Variants in CACNA1G observed in about 807,000 individuals in gnomAD.
CACNA1G encodes voltage-dependent T-type calcium channel subunit alpha-1G.
CACNA1G carries 67 observed loss-of-function variants against 219.4 expected under a neutral mutation model. The observed-to-expected ratio is 0.31, with a 90% CI of 0.25 to 0.37. The LOEUF (loss-of-function observed/expected upper bound fraction) is 0.37, where lower values mean the gene tolerates loss of function less well. Ranked by LOEUF, CACNA1G falls within the 10% of genes least tolerant of loss-of-function variation. The probability of loss-of-function intolerance (pLI) is 1.00; values close to 1 mark genes in which losing one functional copy is unlikely to be tolerated. For missense variants in CACNA1G, 2,380 were observed against 3,231.4 expected (o/e 0.74, Z 6.39); for synonymous variants, 1,296 against 1,345.3 (o/e 0.96, Z 0.80).
chr17:50,617,384 CT>C lies in CACNA1G; in HGVS notation c.5022-53del, dbSNP rs140097032. 1,031 of 1,572,532 alleles carry C rather than the reference CT, an allele frequency of 6.6e-4. 4 individuals carry two copies. The African/African-American group carries it at 0.013, about 20-fold the overall frequency. On this transcript the variant is annotated intron_variant, in intron 28 of 37. Transcript: ENST00000359106. This position sits in a 1 kb window ranked among gnomAD's most constrained non-coding sequence, Gnocchi z 5.8. ...TGTCTTTCTGTGCCACGACTGCCCC[CT>C]CCTTCAGGAACCCCCTCCCCCAACT...
rs949480855 is a variant in CACNA1G, at chr17:50,624,520, C to T, written c.6390C>T (p.Leu2130=). The T allele has an allele frequency of 6.9e-6, 11 of 1,588,892 alleles. No individual in the cohort carries two copies. Among genetic ancestry groups the T allele is most frequent in the African/African-American group, 1.3e-5 (1 of 74,276 alleles). The change falls in exon 37 of 38, where the codon CTC becomes CTT. Residue 2130 remains leucine, a synonymous_variant. Coordinates refer to ENST00000359106, the MANE Select transcript of CACNA1G (RefSeq NM_018896.5). ...PGRSPLAQRP[L]RRQAAIRTDS... ...GCTCCCCTTTGGCTCAGAGGCCACT[C>T]AGGCGCCAGGTGAGCAGATGTGGAA...
intron 9 of CACNA1G, among the ~76,000 whole-genome samples, chr17:50,579,018 G>A (rs1016902944): frequency 6.6e-6 from 1 of 152,148 alleles, no homozygotes; most frequent in African/African-American, 2.4e-5. Flanking sequence ...GGGGTGCAGA[G>A]GGGAGGGTTG....
At chr17:50,598,035 CTTTCTTTCTTTT>C (rs1463185441) in intron 16 of CACNA1G, among the ~76,000 whole-genome samples, 3 of 152,078 alleles carry the variant, frequency 2.0e-5, no homozygotes, top group African/African-American at 7.2e-5. Context: ...TTCTTTCTTT[CTTTCTTTCTTTT>C]CCTTTCCGCT....
At chr17:50,583,530 C>A (rs965092816) in intron 9 of CACNA1G, among the ~76,000 whole-genome samples, 1 of 152,126 alleles carries the variant, frequency 6.6e-6, no homozygotes, top group Non-Finnish European at 1.5e-5. Context: ...TGCCAAATGC[C>A]GCAAGAGAGG....
At chr17:50,602,144 C>T (rs1284289406) in intron 19 of CACNA1G, among the ~76,000 whole-genome samples, 5 of 152,338 alleles carry the variant, frequency 3.3e-5, no homozygotes, top group African/African-American at 1.2e-4. Flanking sequence ...ACTGTCTCCA[C>T]GTCTCTCTCA....
Position 50,561,131 on chromosome 17 carries a change from C to A in CACNA1G, c.-329C>A. 2.0e-6 allele frequency: 1 copy of A among 498,084 alleles called. No individual in the cohort carries two copies. Among genetic ancestry groups the A allele is most frequent in the African/African-American group, 2.0e-5 (1 of 48,906 alleles). The allele number at this position is 498,084 out of a possible 1,614,324, so 30.9% of individuals were successfully genotyped here. On this transcript the variant is annotated 5_prime_UTR_variant, in exon 1 of 38. Transcript: ENST00000359106. ...CGGGGCGGCTTCGCCGAAGGTAGCGCCGAATCCGGCAACCGGAGCCTGGGC... is the reference window on the plus strand; with the variant it reads ...CGGGGCGGCTTCGCCGAAGGTAGCGACGAATCCGGCAACCGGAGCCTGGGC...
At chr17:50,619,093 C>A in intron 33 of CACNA1G, 85 bp downstream of exon 33, 2 of 1,076,250 alleles carry the variant, frequency 1.9e-6, no homozygotes, top group Non-Finnish European at 2.6e-6. Context: ...AAGCGGGCAG[C>A]ACACAAACCC....
At chr17:50,613,138 G>A (rs905450963) in intron 26 of CACNA1G, among the ~76,000 whole-genome samples, 1 of 152,200 alleles carries the variant, frequency 6.6e-6, no homozygotes, top group Non-Finnish European at 1.5e-5. Flanking sequence ...GAGGGACTCG[G>A]GCTGGAAGTT....
chr17:50,618,194 G>A lies in CACNA1G; in HGVS notation c.5306-28G>A, dbSNP rs1384404153. 6.2e-7 allele frequency: 1 copy of A among 1,612,886 alleles called. No individual in the cohort carries two copies. Among genetic ancestry groups the A allele is most frequent in the Non-Finnish European group, 8.5e-7 (1 of 1,179,188 alleles). The stretch of plus-strand genomic sequence containing the variant: ...CCAGGGGGCTCCTGGACTAACATGG[G>A]CCTCTCCCCCTTTCCCTCCTCCCCC... On this transcript the variant is annotated intron_variant, in intron 31 of 37. Transcript: ENST00000359106. The surrounding 1 kb of genome is among the most constrained non-coding windows in gnomAD (Gnocchi z 5.3).
At chr17:50,567,316 C>CG (rs1305184196) in intron 1 of CACNA1G, among the ~76,000 whole-genome samples, 3 of 152,088 alleles carry the variant, frequency 2.0e-5, no homozygotes, top group African/African-American at 7.2e-5. Context: ...CGGGGTACCA[C>CG]GGACAGGTGG....
intron 9 of CACNA1G, among the ~76,000 whole-genome samples, chr17:50,589,522 C>A (rs1318219493): frequency 6.6e-6 from 1 of 152,088 alleles, no homozygotes; most frequent in Non-Finnish European, 1.5e-5. Flanking sequence ...GTTTTTGCAG[C>A]TCCTTTAATG....
chr17:50,588,374 G>A (rs1548532), intron 9 of CACNA1G, among the ~76,000 whole-genome samples: 67,416 of 150,162 alleles, frequency 0.45, 16,098 homozygotes, highest in East Asian at 0.89. Context: ...ATACCTGTGC[G>A]GTCCATGTTC....
At chr17:50,572,892 CCAGCCCCAGGACA>C in intron 6 of CACNA1G, 38 bp downstream of exon 6, 1 of 1,598,810 alleles carries the variant, frequency 6.3e-7, no homozygotes, top group Non-Finnish European at 8.5e-7. Flanking sequence ...CCCCAGAACA[CCAGCCCCAGGACA>C]CAGCCCAGGA....
In CACNA1G at chr17:50,604,126, C is replaced by T. The variant is rs541043826; in HGVS notation, c.4170-29C>T. 4.9e-4 allele frequency: 789 copies of T among 1,606,920 alleles called. 9 individuals carry two copies. In the South Asian group the frequency reaches 8.3e-3, roughly 17 times the overall value. ...AGGGAGGGTCTGGGCTGGGGGAAGCCTTATCACCTCCCTCCCTCCCCTCCC... is the reference window on the plus strand; with the variant it reads ...AGGGAGGGTCTGGGCTGGGGGAAGCTTTATCACCTCCCTCCCTCCCCTCCC... On this transcript the variant is annotated intron_variant, in intron 21 of 37. Coordinates refer to ENST00000359106, the MANE Select transcript of CACNA1G (RefSeq NM_018896.5).
chr17:50,580,899 G>A (rs573706644), intron 9 of CACNA1G, among the ~76,000 whole-genome samples: 129 of 152,252 alleles, frequency 8.5e-4, no homozygotes, highest in African/African-American at 3.0e-3. Flanking sequence ...TGAACGTCCC[G>A]CCATCTGGGC....
chr17:50,607,974 C>T lies in CACNA1G; in HGVS notation c.4660C>T (p.Arg1554Trp), dbSNP rs751708640. The T allele has an allele frequency of 2.5e-6, 4 of 1,613,238 alleles. No homozygotes were observed. Among genetic ancestry groups the T allele is most frequent in the African/African-American group, 1.3e-5 (1 of 74,924 alleles). Residue 1554 changes from arginine (R) to tryptophan (W), a missense_variant, in exon 25 of 38, where the codon CGG becomes TGG. Transcript: ENST00000359106. ...GCACCAGGAGGAAGAGGAGGCCCGG[C>T]GGCGGGAGGAGAAGCGCCTACGAAG... ...RQHQEEEEAR[R>W]REEKRLRRLE...
At position 50,601,136 on chromosome 17, in the gene CACNA1G, A is replaced by G. The variant is rs1471898629; in HGVS notation, c.3877A>G (p.Ile1293Val). 1 of 1,613,892 alleles carries G rather than the reference A, an allele frequency of 6.2e-7. No homozygotes were observed. The highest frequency in any genetic ancestry group is 8.5e-7 in the Non-Finnish European group (1 of 1,179,862). Reference protein sequence around the residue: ...LVIIFLNCITIAMERPKIDPH... With the variant: ...LVIIFLNCITVAMERPKIDPH... The stretch of plus-strand genomic sequence containing the variant: ...CATCATCTTCCTTAACTGCATCACC[A>G]TCGCCATGGAGCGCCCCAAAATTGA... The change falls in exon 19 of 38, where the codon ATC becomes GTC. Residue 1293 changes from isoleucine (I) to valine (V), a missense_variant. Ile to Val is a conservative substitution (Grantham distance 29, BLOSUM62 3). Around this residue, in one of 17 missense-constraint regions of CACNA1G, gnomAD observed 153 missense variants for 374.9 expected, o/e 0.41. Coordinates refer to ENST00000359106, the MANE Select transcript of CACNA1G (RefSeq NM_018896.5).
rs115839598 is a variant in CACNA1G at position 50,617,663 on chromosome 17, C to A, written c.5155+92C>A. 9.9e-6 allele frequency: 15 copies of A among 1,509,018 alleles called. No individual in the cohort carries two copies. Among genetic ancestry groups the A allele is most frequent in the African/African-American group, 5.5e-5 (4 of 72,638 alleles). The allele number at this position is 1,509,018 out of a possible 1,614,324, so 93.5% of individuals were successfully genotyped here. A position where few individuals can be genotyped will look rare whatever the true frequency, so the allele number is the denominator to read the frequency against. On this transcript the variant is annotated intron_variant, in intron 29 of 37. Coordinates refer to ENST00000359106, the MANE Select transcript of CACNA1G (RefSeq NM_018896.5). This position sits in a 1 kb window ranked among gnomAD's most constrained non-coding sequence, Gnocchi z 5.8. ...GCTTTGTGGCTGGTCAAGGCCTGGGCGGCTGTGGGTTCCCATGGGTCTTTC... is the reference window on the plus strand; with the variant it reads ...GCTTTGTGGCTGGTCAAGGCCTGGGAGGCTGTGGGTTCCCATGGGTCTTTC...
At chr17:50,610,771 A>G (rs1306909274) in intron 26 of CACNA1G, among the ~76,000 whole-genome samples, 9 of 152,352 alleles carry the variant, frequency 5.9e-5, no homozygotes, top group Admixed American at 5.9e-4. Context: ...AGTTAAGAGC[A>G]CTTCAATAAT....
Sources: gnomAD v4.1 joint callset for allele counts (sites outside exome capture counted in the v4.1 genomes callset) on GRCh38, gnomAD v4.1.1 for gene constraint, gnomAD v4.1.1 regional missense constraint, Gnocchi (gnomAD v3.1) non-coding constraint, MANE v1.5 for transcripts, NCBI Gene and HGNC (gene_info 2026-07-23, HGNC 2026-07-21) for gene names.